Variants in FAM227B observed in about 807,000 individuals in gnomAD.
The protein encoded by FAM227B is protein FAM227B.
In FAM227B, 88 loss-of-function variants were observed where a neutral mutation model predicts 73.8. That is an observed-to-expected ratio of 1.19 (90% CI 1.00 to 1.42). The LOEUF is 1.42. Among genes scored for constraint, FAM227B ranks in the 40% most tolerant of loss-of-function variants. FAM227B has a pLI of 0.00. For synonymous variants in FAM227B, 210 were observed against 190.5 expected (o/e 1.10, Z -0.84); for missense variants, 632 against 590.9 (o/e 1.07, Z -0.72).
intron 1 of FAM227B, among the ~76,000 whole-genome samples, chr15:49,619,147 C>T (rs1021670389): frequency 3.3e-5 from 5 of 152,002 alleles, no homozygotes; most frequent in Non-Finnish European, 7.4e-5. Flanking sequence ...TAGAAATAGC[C>T]ACAATGGATC....
chr15:49,405,946 G>A (rs888012225), intron 11 of FAM227B, among the ~76,000 whole-genome samples: 1 of 152,066 alleles, frequency 6.6e-6, no homozygotes, highest in Non-Finnish European at 1.5e-5. Context: ...GTGATGACCC[G>A]GAAGGTTTGA....
At chr15:49,487,240 G>T (rs1163222144) in intron 11 of FAM227B, 1 of 151,638 alleles carries the variant, frequency 6.6e-6, no homozygotes, top group African/African-American at 2.4e-5. Context: ...GGAAAGCTTT[G>T]TGCAAAATAT....
chr15:49,538,708 T>G (rs925724566), intron 10 of FAM227B, among the ~76,000 whole-genome samples: 16 of 152,090 alleles, frequency 1.1e-4, no homozygotes, highest in African/African-American at 3.9e-4. Context: ...AGTTCACAGA[T>G]TCTTTCTTCT....
At chr15:49,597,725 C>T (rs565160850) in intron 3 of FAM227B, among the ~76,000 whole-genome samples, 45 of 151,858 alleles carry the variant, frequency 3.0e-4, no homozygotes, top group Admixed American at 7.2e-4. Flanking sequence ...AGACCATTAG[C>T]GAGATTAAGC....
chr15:49,595,595 T>C (rs564129859), intron 3 of FAM227B, among the ~76,000 whole-genome samples: 2 of 151,862 alleles, frequency 1.3e-5, no homozygotes, highest in Non-Finnish European at 2.9e-5. Flanking sequence ...ATAGCTTTTA[T>C]TACCTTAAGG....
intron 11 of FAM227B, among the ~76,000 whole-genome samples, chr15:49,432,655 T>C (rs1302078609): frequency 6.6e-6 from 1 of 151,624 alleles, no homozygotes. Flanking sequence ...AAAAAAACTA[T>C]ACAATTGACC....
chr15:49,550,274 A>C (rs1219113931), intron 9 of FAM227B, among the ~76,000 whole-genome samples: 3 of 105,474 alleles, frequency 2.8e-5, no homozygotes, highest in Non-Finnish European at 1.9e-5. Flanking sequence ...ACTTCCCAGT[A>C]GGGGCGGCCG....
intron 11 of FAM227B, among the ~76,000 whole-genome samples, chr15:49,492,135 T>A (rs1236235703): frequency 1.3e-5 from 2 of 151,862 alleles, no homozygotes; most frequent in Non-Finnish European, 2.9e-5. Flanking sequence ...AATGCAGCAA[T>A]CACTATGTGA....
chr15:49,594,464 ATT>A (rs1331011040), intron 3 of FAM227B, among the ~76,000 whole-genome samples: 2 of 151,994 alleles, frequency 1.3e-5, no homozygotes, highest in African/African-American at 4.8e-5. Context: ...TTTTTGTTGC[ATT>A]TGTTTTGGGG....
chr15:49,497,216 C>T (rs12050614), intron 11 of FAM227B, among the ~76,000 whole-genome samples: 40,497 of 152,080 alleles, frequency 0.27, 6,296 homozygotes, highest in Non-Finnish European at 0.36. Context: ...AAGTTGAATA[C>T]ATTAGAGCAG....
intron 3 of FAM227B, among the ~76,000 whole-genome samples, chr15:49,604,946 A>G (rs934585882): frequency 6.6e-6 from 1 of 151,096 alleles, no homozygotes; most frequent in Non-Finnish European, 1.5e-5. Flanking sequence ...TTGTTCCTTT[A>G]TTGTTTTCCT....
intron 15 of FAM227B, chr15:49,330,253 A>T (rs1162141267): frequency 6.6e-6 from 1 of 152,218 alleles, no homozygotes; most frequent in Non-Finnish European, 1.5e-5. Flanking sequence ...TGTAGTGAAG[A>T]ATAAGATTGA....
intron 11 of FAM227B, among the ~76,000 whole-genome samples, chr15:49,461,148 G>A (rs149600057): frequency 1.3e-5 from 2 of 152,172 alleles, no homozygotes; most frequent in African/African-American, 4.8e-5. Context: ...CCTATCTGTT[G>A]AAGTCCTCCT....
At position 49,475,941 on chromosome 15, in the gene FAM227B, C is replaced by G. The variant is rs1298026210; in HGVS notation, c.1012+32270G>C. On this transcript the variant is annotated intron_variant, in intron 11 of 15. Coordinates refer to ENST00000299338, the MANE Select transcript of FAM227B (RefSeq NM_152647.3). ...AGGTTCAAGACCCTTGACAATTTGG[C>G]CCTAACTCTTTTTCCACCCTCTCAC... Among the ~76,000 whole-genome samples the G allele has an allele frequency of 3.9e-5, 6 of 152,230 alleles. No homozygotes were observed. The East Asian group carries it at 1.2e-3, about 29-fold the overall frequency.
rs575013843 is a variant in FAM227B, at chr15:49,605,114, T to G, written c.105+6101A>C. Among the ~76,000 whole-genome samples, 133 of 152,304 alleles carry G rather than the reference T, an allele frequency of 8.7e-4. 5 individuals carry two copies. In the South Asian group the frequency reaches 0.026, roughly 30 times the overall value. The stretch of plus-strand genomic sequence containing the variant: ...TCCCTGACTGCCTTGTTTTGATGTC[T>G]GCACATCTGAAGAACAGGCGCCTCT... On this transcript the variant is annotated intron_variant, in intron 3 of 15. Coordinates refer to ENST00000299338, the MANE Select transcript of FAM227B (RefSeq NM_152647.3).
At chr15:49,399,097 G>A (rs372197697) in intron 11 of FAM227B, among the ~76,000 whole-genome samples, 15 of 144,632 alleles carry the variant, frequency 1.0e-4, no homozygotes, top group African/African-American at 2.0e-4. Context: ...TTGATAGACC[G>A]CTAGCAAGAC....
At chr15:49,508,064 T>C in intron 11 of FAM227B, 147 bp downstream of exon 11, 1 of 758,654 alleles carries the variant, frequency 1.3e-6, no homozygotes, top group Non-Finnish European at 2.0e-6. Context: ...GACTTAAGTG[T>C]GTACCACTAT....
chr15:49,528,149 GAC>G (rs1726440528), intron 10 of FAM227B, among the ~76,000 whole-genome samples: 1 of 151,622 alleles, frequency 6.6e-6, no homozygotes, highest in Non-Finnish European at 1.5e-5. Flanking sequence ...TGGTACAATA[GAC>G]ACATAGATCA....
intron 9 of FAM227B, among the ~76,000 whole-genome samples, chr15:49,567,466 T>G (rs1408746216): frequency 6.6e-6 from 1 of 152,088 alleles, no homozygotes; most frequent in Non-Finnish European, 1.5e-5. Context: ...ACTTTACACA[T>G]GTGTTTGTGA....
Sources: gnomAD v4.1 joint callset for allele counts (sites outside exome capture counted in the v4.1 genomes callset) on GRCh38, gnomAD v4.1.1 for gene constraint, MANE v1.5 for transcripts, NCBI Gene and HGNC (gene_info 2026-07-23, HGNC 2026-07-21) for gene names.